The following PLBD1 variants were observed in gnomAD, a reference collection of about 807,000 sequenced individuals.
PLBD1 encodes the protein phospholipase B domain containing 1, also known as lysosomal leucine aminopeptidase.
PLBD1 carries 60 observed loss-of-function variants against 63.0 expected under a neutral mutation model. The observed-to-expected ratio is 0.95, with a 90% CI of 0.77 to 1.18. The LOEUF (loss-of-function observed/expected upper bound fraction) is 1.18. Among genes scored for constraint, PLBD1 ranks in the 50% most tolerant of loss-of-function variants. PLBD1 has a pLI of 0.00. For missense variants in PLBD1, 598 were observed against 677.9 expected, an observed-to-expected ratio of 0.88 and a Z score of 1.31; for synonymous variants, 262 against 248.0, an observed-to-expected ratio of 1.06 and a Z score of -0.53.
chr12:14,561,104 A>G (rs1945739802), intron 1 of PLBD1, among the ~76,000 whole-genome samples: 1 of 151,270 alleles, frequency 6.6e-6, no homozygotes, highest in Non-Finnish European at 1.5e-5. Flanking sequence ...ACCTGCAGGA[A>G]GTGGAAATAA....
intron 1 of PLBD1, among the ~76,000 whole-genome samples, chr12:14,556,906 C>T (rs906824418): frequency 6.9e-6 from 1 of 145,380 alleles, no homozygotes; most frequent in African/African-American, 2.5e-5. Context: ...ATCGCTTGAA[C>T]CTGGGAGGCG....
intron 1 of PLBD1, among the ~76,000 whole-genome samples, chr12:14,563,483 A>T (rs1484506502): frequency 5.3e-5 from 8 of 151,968 alleles, no homozygotes; most frequent in African/African-American, 7.3e-5. Flanking sequence ...GCGCCTTTGC[A>T]CTCCAGCTTG....
chr12:14,559,553 T>C (rs1437389584), intron 1 of PLBD1, among the ~76,000 whole-genome samples: 1 of 152,252 alleles, frequency 6.6e-6, no homozygotes, highest in East Asian at 1.9e-4. Context: ...ACTAAATGGC[T>C]CGGAATCTTG....
chr12:14,556,689 TAA>T (rs549714946), intron 1 of PLBD1, among the ~76,000 whole-genome samples: 326 of 150,896 alleles, frequency 2.2e-3, no homozygotes, highest in Non-Finnish European at 3.6e-3. Flanking sequence ...TTTTTGATGT[TAA>T]GATTGTCTAT....
intron 6 of PLBD1, among the ~76,000 whole-genome samples, chr12:14,523,493 G>T (rs1250557304): frequency 1.3e-5 from 2 of 152,048 alleles, no homozygotes; most frequent in Non-Finnish European, 2.9e-5. Flanking sequence ...AAATGTGTAT[G>T]GAACCTCAAA....
intron 6 of PLBD1, among the ~76,000 whole-genome samples, chr12:14,533,633 G>A (rs1213709970): frequency 6.6e-6 from 1 of 152,190 alleles, no homozygotes; most frequent in Admixed American, 6.5e-5. Context: ...TGAGGAAGAG[G>A]AAGAATACTG....
At chr12:14,532,372 A>G (rs1336941613) in intron 6 of PLBD1, among the ~76,000 whole-genome samples, 1 of 152,194 alleles carries the variant, frequency 6.6e-6, no homozygotes, top group African/African-American at 2.4e-5. Flanking sequence ...AGGCCACGAC[A>G]GGGGCCAGAT....
intron 1 of PLBD1, among the ~76,000 whole-genome samples, chr12:14,562,093 G>A (rs772744917): frequency 6.6e-6 from 1 of 152,178 alleles, no homozygotes; most frequent in African/African-American, 2.4e-5. Context: ...GAGCCAGCCT[G>A]TCTCTTTCGT....
chr12:14,511,156 C>A, intron 8 of PLBD1, 104 bp downstream of exon 8: 12 of 1,074,726 alleles, frequency 1.1e-5, no homozygotes, highest in East Asian at 2.7e-5. Context: ...GTCTTCCCCA[C>A]CATACCCTCC....
At chr12:14,513,563 G>A (rs770433982) in intron 6 of PLBD1, among the ~76,000 whole-genome samples, 1 of 152,154 alleles carries the variant, frequency 6.6e-6, no homozygotes. Context: ...GGAGGTAAGA[G>A]CATGGACTGG....
At position 14,536,664 on chromosome 12, in the gene PLBD1, A is replaced by G; in HGVS notation, c.605T>C (p.Leu202Pro). ...AGAGAGTGAGGGAATCAGATCCAAT[A>G]GATCTCCAACACTATTCAGGAACTG... ...QIQFLNSVGDLLDLIPSLSPT... is the reference protein window; with the variant it reads ...QIQFLNSVGDPLDLIPSLSPT... Residue 202 changes from leucine to proline, a missense_variant, in exon 5 of 11, where the codon CTA becomes CCA. Transcript: ENST00000240617. 6.2e-7 allele frequency: 1 copy of G among 1,614,184 alleles called. No individual in the cohort carries two copies. The highest frequency in any genetic ancestry group is 8.5e-7 in the Non-Finnish European group (1 of 1,180,008).
intron 4 of PLBD1, among the ~76,000 whole-genome samples, chr12:14,537,870 A>T (rs1041942204): frequency 9.5e-6 from 1 of 105,182 alleles, no homozygotes; most frequent in Non-Finnish European, 2.1e-5. Flanking sequence ...AACAAAGTTT[A>T]TATCAGAAAG....
At chr12:14,537,169 A>G (rs907637163) in intron 4 of PLBD1, among the ~76,000 whole-genome samples, 1 of 151,572 alleles carries the variant, frequency 6.6e-6, no homozygotes, top group African/African-American at 2.4e-5. Context: ...ATTGTAGCTT[A>G]TAAAATAATT....
At chr12:14,523,784 G>C (rs1450441512) in intron 6 of PLBD1, among the ~76,000 whole-genome samples, 2 of 152,126 alleles carry the variant, frequency 1.3e-5, no homozygotes. Flanking sequence ...GGAGAGGAAT[G>C]AAACTAGACC....
intron 1 of PLBD1, among the ~76,000 whole-genome samples, chr12:14,560,817 G>A (rs1346750186): frequency 1.3e-5 from 2 of 152,118 alleles, no homozygotes; most frequent in Non-Finnish European, 2.9e-5. Context: ...GAGTGAAAGG[G>A]AGGAACACCG....
chr12:14,554,387 G>T (rs943552620), intron 1 of PLBD1: 1 of 152,060 alleles, frequency 6.6e-6, no homozygotes, highest in African/African-American at 2.4e-5. Flanking sequence ...ATGCTCCATT[G>T]TCTCATAGCT....
chr12:14,564,262 C>T (rs761666582), intron 1 of PLBD1, among the ~76,000 whole-genome samples: 49 of 151,862 alleles, frequency 3.2e-4, no homozygotes, highest in Non-Finnish European at 2.6e-4. Flanking sequence ...TGAAATTGAC[C>T]CCAGTCATAG....
intron 1 of PLBD1, among the ~76,000 whole-genome samples, chr12:14,555,410 G>T (rs143519449): frequency 5.1e-4 from 77 of 152,162 alleles, no homozygotes; most frequent in African/African-American, 1.8e-3. Flanking sequence ...GGTGGTGTGC[G>T]CCTGTAATCC....
intron 6 of PLBD1, among the ~76,000 whole-genome samples, chr12:14,520,421 AT>A (rs2136910816): frequency 6.6e-6 from 1 of 152,374 alleles, no homozygotes; most frequent in Admixed American, 6.5e-5. Flanking sequence ...TGCAGGTGAC[AT>A]ATGTTGAAGT....
Sources: gnomAD v4.1 joint callset for allele counts (sites outside exome capture counted in the v4.1 genomes callset) on GRCh38, gnomAD v4.1.1 for gene constraint, MANE v1.5 for transcripts, NCBI Gene and HGNC (gene_info 2026-07-23, HGNC 2026-07-21) for gene names.